The following FLI1 variants were observed in gnomAD, a reference collection of about 807,000 sequenced individuals.
FLI1 encodes Fli-1 proto-oncogene, ETS transcription factor.
Under a neutral mutation model 53.1 loss-of-function variants are expected in FLI1, and 13 were observed. The ratio of observed to expected loss-of-function variants is 0.24; its 90% CI spans 0.16 to 0.39. The LOEUF (loss-of-function observed/expected upper bound fraction) is 0.39. FLI1 is among the 10% of genes least tolerant of loss of function. The probability of loss-of-function intolerance (pLI) is 1.00; values close to 1 mark genes in which losing one functional copy is unlikely to be tolerated. For missense variants in FLI1, 424 were observed against 600.5 expected, an observed-to-expected ratio of 0.71 and a Z score of 3.07; for synonymous variants, 244 against 236.7, an observed-to-expected ratio of 1.03 and a Z score of -0.28.
chr11:128,788,648 T>C (rs775393841), intron 5 of FLI1, among the ~76,000 whole-genome samples: 13 of 152,160 alleles, frequency 8.5e-5, no homozygotes, highest in African/African-American at 2.9e-4. Context: ...AAATCCCTTA[T>C]AGAACAGGAG....
At chr11:128,755,231 G>C (rs1268458671) in intron 1 of FLI1, among the ~76,000 whole-genome samples, 1 of 152,158 alleles carries the variant, frequency 6.6e-6, no homozygotes, top group Non-Finnish European at 1.5e-5. Context: ...TGCCTCCCGG[G>C]CTTCTTTGCC....
intron 2 of FLI1, among the ~76,000 whole-genome samples, chr11:128,761,491 T>C (rs1378186360): frequency 6.6e-6 from 1 of 152,042 alleles, no homozygotes; most frequent in Non-Finnish European, 1.5e-5. Context: ...AAAGAGAAGG[T>C]GCTTGTTTAA....
chr11:128,738,425 A>G (rs1939995907), intron 1 of FLI1, among the ~76,000 whole-genome samples: 1 of 152,184 alleles, frequency 6.6e-6, no homozygotes, highest in Admixed American at 6.5e-5. Flanking sequence ...TCTCCACCTG[A>G]CTTCATCCAC....
At chr11:128,781,030 A>G (rs526015) in intron 4 of FLI1, among the ~76,000 whole-genome samples, 33,337 of 150,506 alleles carry the variant, frequency 0.22, 5,209 homozygotes, top group African/African-American at 0.46. Flanking sequence ...AGAAGGGAGA[A>G]TGTGTTTTAC....
Position 128,811,310 on chromosome 11 carries a change from TC to T in FLI1, c.*323del. On this transcript the variant is annotated 3_prime_UTR_variant, in exon 9 of 9. Coordinates refer to ENST00000527786, the MANE Select transcript of FLI1 (RefSeq NM_002017.5). The stretch of plus-strand genomic sequence containing the variant: ...GTTCTGAGAAAGAAGCTGTACGTTT[TC>T]TTTATGTTTTTATGACCAAAGCAGT... The T allele has an allele frequency of 2.4e-6, 1 of 412,796 alleles. No homozygotes were observed. The highest frequency in any genetic ancestry group is 4.4e-6 in the Non-Finnish European group (1 of 229,092). The allele number at this position is 412,796 out of a possible 1,614,324, so 25.6% of individuals were successfully genotyped here. A position where few individuals can be genotyped will look rare whatever the true frequency, so the allele number is the denominator to read the frequency against.
At chr11:128,707,144 T>C (rs61529638) in intron 1 of FLI1, among the ~76,000 whole-genome samples, 7,406 of 152,236 alleles carry the variant, frequency 0.049, 366 homozygotes, top group East Asian at 0.28. Flanking sequence ...CCCCACACTA[T>C]GAGCTTAGGA....
intron 1 of FLI1, among the ~76,000 whole-genome samples, chr11:128,697,124 C>T (rs185006778): frequency 6.6e-6 from 1 of 152,356 alleles, no homozygotes; most frequent in East Asian, 1.9e-4. Context: ...ACCCACGCCC[C>T]TGCTTCCCAC....
chr11:128,778,665 G>A (rs185413053), intron 4 of FLI1, among the ~76,000 whole-genome samples: 3 of 152,344 alleles, frequency 2.0e-5, no homozygotes, highest in East Asian at 1.9e-4. Flanking sequence ...CTGGCACACC[G>A]TGCATGTTCA....
intron 6 of FLI1, 104 bp from the exon 7 acceptor site, chr11:128,807,076 G>C: frequency 1.8e-6 from 1 of 554,698 alleles, no homozygotes; most frequent in Non-Finnish European, 3.1e-6. Flanking sequence ...TGAGTCAGTG[G>C]AGAGTGGGCG....
At chr11:128,746,237 A>G (rs1940382577) in intron 1 of FLI1, among the ~76,000 whole-genome samples, 1 of 152,096 alleles carries the variant, frequency 6.6e-6, no homozygotes, top group South Asian at 2.1e-4. Flanking sequence ...ACAACTGGGG[A>G]TGAAAACCAG....
At chr11:128,739,847 G>C (rs1483733471) in intron 1 of FLI1, among the ~76,000 whole-genome samples, 2 of 152,144 alleles carry the variant, frequency 1.3e-5, no homozygotes, top group Non-Finnish European at 2.9e-5. Context: ...GTGGGGGCCT[G>C]GGAGACAGAT....
chr11:128,797,927 T>C (rs1942489938), intron 5 of FLI1, among the ~76,000 whole-genome samples: 1 of 152,124 alleles, frequency 6.6e-6, no homozygotes, highest in Non-Finnish European at 1.5e-5. Flanking sequence ...AGCCTTGACC[T>C]GCAGAACTTT....
chr11:128,713,580 G>A (rs1480092720), intron 1 of FLI1, among the ~76,000 whole-genome samples: 1 of 151,284 alleles, frequency 6.6e-6, no homozygotes, highest in African/African-American at 2.4e-5. Context: ...AAGCAGACAG[G>A]TATAGTTCCT....
At chr11:128,799,046 A>T (rs76319323) in intron 5 of FLI1, among the ~76,000 whole-genome samples, 61,211 of 134,566 alleles carry the variant, frequency 0.45, 14,031 homozygotes, top group African/African-American at 0.53. Flanking sequence ...TATTATTATT[A>T]TTATTATTTT....
At chr11:128,748,252 G>A (rs1565480069) in intron 1 of FLI1, 1 of 984,542 alleles carries the variant, frequency 1.0e-6, no homozygotes, top group Non-Finnish European at 1.2e-6. Context: ...CTTTCTCTGG[G>A]TCATCCACTG....
chr11:128,751,830 GT>G lies in FLI1; in HGVS notation c.19-6272del, dbSNP rs1160739913. On this transcript the variant is annotated intron_variant, in intron 1 of 8. Transcript: ENST00000527786. ...GGCGTGGGTTTTTTTTTTTGGGTTT[GT>G]TTTTTTTTTTTTGTAGAGAAAGAGT... is the stretch of plus-strand genomic sequence containing the variant. Among the ~76,000 whole-genome samples, 70 of 133,504 alleles carry G rather than the reference GT, an allele frequency of 5.2e-4. 2 individuals are homozygous for G. The highest frequency in any genetic ancestry group is 1.5e-3 in the East Asian group (7 of 4,622). The allele number at this position is 133,504 out of a possible 152,430, so 87.6% of individuals were successfully genotyped here. A position where few individuals can be genotyped will look rare whatever the true frequency, so the allele number is the denominator to read the frequency against.
At chr11:128,719,504 A>C (rs912270588) in intron 1 of FLI1, among the ~76,000 whole-genome samples, 1 of 151,986 alleles carries the variant, frequency 6.6e-6, no homozygotes, top group African/African-American at 2.4e-5. Flanking sequence ...AATCCACCTA[A>C]TTAGCTGTCA....
At chr11:128,694,519 C>A (rs1187729490) in intron 1 of FLI1, among the ~76,000 whole-genome samples, 1 of 117,674 alleles carries the variant, frequency 8.5e-6, no homozygotes, top group South Asian at 3.1e-4. Flanking sequence ...GAGCCCCGGC[C>A]CCCCTCCCAC....
At chr11:128,728,778 T>C (rs1939579137) in intron 1 of FLI1, among the ~76,000 whole-genome samples, 1 of 152,214 alleles carries the variant, frequency 6.6e-6, no homozygotes, top group Non-Finnish European at 1.5e-5. Flanking sequence ...TGTACCTGAG[T>C]ATCAGGTAAA....
Sources: gnomAD v4.1 joint callset for allele counts (sites outside exome capture counted in the v4.1 genomes callset) on GRCh38, gnomAD v4.1.1 for gene constraint, MANE v1.5 for transcripts, NCBI Gene and HGNC (gene_info 2026-07-23, HGNC 2026-07-21) for gene names.